Variants in CCDC102B observed in about 807,000 individuals in gnomAD.
The protein encoded by CCDC102B is coiled-coil domain-containing protein 102B.
In CCDC102B, 75 loss-of-function variants were observed where a neutral mutation model predicts 57.4. That is an observed-to-expected ratio of 1.31 (90% CI 1.08 to 1.58). The LOEUF is 1.58. Ranked by LOEUF, CCDC102B falls within the 40% of genes most tolerant of loss-of-function variation. The pLI is 0.00. For synonymous variants in CCDC102B, 206 were observed against 201.9 expected (o/e 1.02, Z -0.17); for missense variants, 636 against 582.6 (o/e 1.09, Z -0.94).
At chr18:68,894,834 A>C (rs745825092) in intron 5 of CCDC102B, among the ~76,000 whole-genome samples, 14 of 151,902 alleles carry the variant, frequency 9.2e-5, no homozygotes, top group Non-Finnish European at 1.9e-4. Flanking sequence ...ACTTAAAAAA[A>C]ATCTTAAGAG....
intron 6 of CCDC102B, among the ~76,000 whole-genome samples, chr18:68,981,828 A>G (rs2050590808): frequency 6.6e-6 from 1 of 152,022 alleles, no homozygotes; most frequent in African/African-American, 2.4e-5. Flanking sequence ...CCTATGAGTG[A>G]CAACAGGCGG....
intron 1 of CCDC102B, among the ~76,000 whole-genome samples, chr18:68,815,957 A>G (rs1599504458): frequency 6.6e-6 from 1 of 152,326 alleles, no homozygotes; most frequent in Non-Finnish European, 1.5e-5. Context: ...ATAATTTGGA[A>G]AAAGGATTTT....
chr18:68,737,706 A>G (rs1409318724), intron 2 of CCDC102B, among the ~76,000 whole-genome samples: 1 of 152,152 alleles, frequency 6.6e-6, no homozygotes, highest in Non-Finnish European at 1.5e-5. Context: ...CTCTGTCTCA[A>G]TTATGTAGCA....
intron 1 of CCDC102B, among the ~76,000 whole-genome samples, chr18:68,800,688 A>G (rs1476415659): frequency 6.6e-6 from 1 of 152,114 alleles, no homozygotes; most frequent in East Asian, 1.9e-4. Context: ...TTTTTGATAC[A>G]TGGTATCAAC....
chr18:68,843,914 C>T (rs2037743174), intron 3 of CCDC102B, among the ~76,000 whole-genome samples: 1 of 151,828 alleles, frequency 6.6e-6, no homozygotes, highest in South Asian at 2.1e-4. Flanking sequence ...TTTAGACATA[C>T]AATGTCCTTA....
chr18:68,934,267 G>A (rs564445255), intron 6 of CCDC102B, among the ~76,000 whole-genome samples: 1 of 151,950 alleles, frequency 6.6e-6, no homozygotes, highest in African/African-American at 2.4e-5. Flanking sequence ...TTCATCTTGG[G>A]GAGTTTCTTT....
chr18:68,926,114 G>A (rs1228122693), intron 6 of CCDC102B, among the ~76,000 whole-genome samples: 2 of 151,858 alleles, frequency 1.3e-5, no homozygotes, highest in Non-Finnish European at 2.9e-5. Context: ...ACATGCAGTA[G>A]GAAAGTTAAT....
chr18:68,963,439 G>A (rs117013145), intron 6 of CCDC102B, among the ~76,000 whole-genome samples: 5,750 of 151,792 alleles, frequency 0.038, 167 homozygotes, highest in Non-Finnish European at 0.056. Context: ...ACAAAAAAAG[G>A]CAAATATATC....
intron 2 of CCDC102B, among the ~76,000 whole-genome samples, chr18:68,781,273 T>A (rs1402545845): frequency 6.6e-6 from 1 of 152,162 alleles, no homozygotes; most frequent in Non-Finnish European, 1.5e-5. Context: ...GTAATATATA[T>A]TAATTTTATA....
chr18:68,885,944 A>T (rs879794363), intron 5 of CCDC102B, among the ~76,000 whole-genome samples: 2 of 152,066 alleles, frequency 1.3e-5, no homozygotes, highest in African/African-American at 2.4e-5. Flanking sequence ...TAGTAACTGC[A>T]TCGAAAACTA....
At chr18:68,846,643 T>A (rs527340948) in intron 4 of CCDC102B, among the ~76,000 whole-genome samples, 1 of 138,352 alleles carries the variant, frequency 7.2e-6, no homozygotes, top group East Asian at 1.9e-4. Context: ...GTGTCAGTTT[T>A]ATATTGGTCA....
chr18:68,729,632 C>T (rs954723866), intron 2 of CCDC102B, among the ~76,000 whole-genome samples: 1 of 152,060 alleles, frequency 6.6e-6, no homozygotes, highest in Admixed American at 6.5e-5. Context: ...GGGTCCAAAC[C>T]CTACACAATT....
intron 2 of CCDC102B, among the ~76,000 whole-genome samples, chr18:68,780,722 G>A (rs1039108108): frequency 7.2e-5 from 11 of 152,142 alleles, no homozygotes; most frequent in South Asian, 2.1e-4. Flanking sequence ...AAGTCTTTCC[G>A]TGTTTCTGGG....
intron 7 of CCDC102B, among the ~76,000 whole-genome samples, chr18:69,032,823 C>G (rs930114751): frequency 1.3e-5 from 2 of 152,026 alleles, no homozygotes; most frequent in African/African-American, 4.8e-5. Context: ...TAAGCACCAG[C>G]TTTGTAGGAT....
rs71175201 is a variant in CCDC102B, at chr18:68,853,672, TA to T, written c.936+7281del. On this transcript the variant is annotated intron_variant, in intron 4 of 7. Coordinates refer to ENST00000360242, the MANE Select transcript of CCDC102B (RefSeq NM_024781.3). ...CGAATTTTTCTTTATCCCCAAATTG[TA>T]AAAAAAAAAAAAAAAAAAAAAAAAA... Among the ~76,000 whole-genome samples the T allele has an allele frequency of 6.3e-3, 592 of 94,514 alleles. 5 individuals carry two copies. The highest frequency in any genetic ancestry group is 0.015 in the African/African-American group (325 of 21,304). 62.0% of individuals were successfully genotyped at this position (94,514 alleles called of 152,430 possible). A position where few individuals can be genotyped will look rare whatever the true frequency, so the allele number is the denominator to read the frequency against.
At chr18:68,767,748 A>G (rs1375976789) in intron 2 of CCDC102B, among the ~76,000 whole-genome samples, 1 of 152,182 alleles carries the variant, frequency 6.6e-6, no homozygotes, top group East Asian at 1.9e-4. Flanking sequence ...AAAATTTTAC[A>G]CAAAAATTTA....
intron 6 of CCDC102B, among the ~76,000 whole-genome samples, chr18:68,912,177 A>C (rs1191260556): frequency 6.6e-6 from 1 of 151,896 alleles, no homozygotes; most frequent in Non-Finnish European, 1.5e-5. Context: ...GTTTTCTACA[A>C]AGTAAGGTCT....
At chr18:68,727,016 C>A (rs953834456) in intron 2 of CCDC102B, among the ~76,000 whole-genome samples, 8 of 152,080 alleles carry the variant, frequency 5.3e-5, no homozygotes, top group African/African-American at 1.7e-4. Context: ...AGAACTAATG[C>A]CAAATAGACC....
chr18:68,802,827 C>G (rs1488859334), intron 1 of CCDC102B, among the ~76,000 whole-genome samples: 1 of 152,202 alleles, frequency 6.6e-6, no homozygotes, highest in Admixed American at 6.5e-5. Context: ...AACTCCACCT[C>G]CCATCTGCTG....
Sources: allele counts gnomAD v4.1 joint callset (sites outside exome capture counted in the v4.1 genomes callset), GRCh38; gene constraint gnomAD v4.1.1; transcripts MANE v1.5; gene names NCBI Gene and HGNC (gene_info 2026-07-23, HGNC 2026-07-21).